The following CACNG3 variants were observed in gnomAD, a reference collection of about 807,000 sequenced individuals.
The protein encoded by CACNG3 is calcium voltage-gated channel auxiliary subunit gamma 3.
In CACNG3, 3 loss-of-function variants were observed where a neutral mutation model predicts 28.5. The observed-to-expected ratio is 0.11, with a 90% CI of 0.05 to 0.27. CACNG3 has a LOEUF of 0.27. Ranked by LOEUF, CACNG3 falls within the 10% of genes least tolerant of loss-of-function variation. CACNG3 has a pLI of 1.00. For missense variants in CACNG3, 236 were observed against 414.4 expected, an observed-to-expected ratio of 0.57 and a Z score of 3.74; for synonymous variants, 174 against 162.2, an observed-to-expected ratio of 1.07 and a Z score of -0.55.
At chr16:24,303,897 G>A (rs989420639) in intron 1 of CACNG3, among the ~76,000 whole-genome samples, 2 of 152,072 alleles carry the variant, frequency 1.3e-5, no homozygotes, top group Non-Finnish European at 2.9e-5. Context: ...GACAGAGCAA[G>A]ACCCCATCTC....
At chr16:24,334,981 G>C (rs1899682482) in intron 1 of CACNG3, among the ~76,000 whole-genome samples, 1 of 152,142 alleles carries the variant, frequency 6.6e-6, no homozygotes, top group South Asian at 2.1e-4. Context: ...GCCCAAAATA[G>C]AGATAATGAT....
chr16:24,286,395 T>C (rs1010332609), intron 1 of CACNG3, among the ~76,000 whole-genome samples: 1 of 147,554 alleles, frequency 6.8e-6, no homozygotes, highest in Non-Finnish European at 1.5e-5. Context: ...ATGTCTTGAT[T>C]ATTAAATGAA....
chr16:24,358,325 T>A (rs1274122623), intron 3 of CACNG3, among the ~76,000 whole-genome samples: 1 of 152,224 alleles, frequency 6.6e-6, no homozygotes, highest in Non-Finnish European at 1.5e-5. Flanking sequence ...TTTGGGCAAG[T>A]CACTTAACCT....
chr16:24,359,232 C>T (rs1272352043), intron 3 of CACNG3, among the ~76,000 whole-genome samples: 1 of 152,004 alleles, frequency 6.6e-6, no homozygotes, highest in South Asian at 2.1e-4. Context: ...AGTCTGACTC[C>T]CATTTAACTT....
At chr16:24,308,679 T>C (rs1179925036) in intron 1 of CACNG3, among the ~76,000 whole-genome samples, 3 of 151,514 alleles carry the variant, frequency 2.0e-5, no homozygotes, top group Non-Finnish European at 4.4e-5. Flanking sequence ...ACTCCATCTC[T>C]ACAAAAGATT....
intron 1 of CACNG3, among the ~76,000 whole-genome samples, chr16:24,332,330 T>C (rs553759136): frequency 2.4e-4 from 36 of 152,072 alleles, no homozygotes; most frequent in Non-Finnish European, 4.9e-4. Flanking sequence ...CCAAGGGCGA[T>C]GACATGCACC....
intron 1 of CACNG3, among the ~76,000 whole-genome samples, chr16:24,297,249 AAAAATAAAAT>A (rs559621094): frequency 1.6e-3 from 203 of 128,150 alleles, no homozygotes; most frequent in South Asian, 2.7e-3. Flanking sequence ...TCCCATCTCT[AAAAATAAAAT>A]AAAATAAAAT....
chr16:24,265,674 G>C (rs917611543), intron 1 of CACNG3, among the ~76,000 whole-genome samples: 1 of 152,082 alleles, frequency 6.6e-6, no homozygotes, highest in Non-Finnish European at 1.5e-5. Context: ...TTTTAAAATG[G>C]TTGAAAAATT....
At chr16:24,322,358 TG>T (rs1334772237) in intron 1 of CACNG3, among the ~76,000 whole-genome samples, 2 of 151,138 alleles carry the variant, frequency 1.3e-5, no homozygotes, top group African/African-American at 2.4e-5. Flanking sequence ...CGGCCACCCT[TG>T]GGGACCTGCC....
intron 1 of CACNG3, among the ~76,000 whole-genome samples, chr16:24,334,367 A>G (rs1228868898): frequency 6.6e-6 from 1 of 152,032 alleles, no homozygotes; most frequent in Non-Finnish European, 1.5e-5. Context: ...GCTGGTGAGG[A>G]GTGCCAGCCC....
At chr16:24,265,041 C>T (rs1288964030) in intron 1 of CACNG3, among the ~76,000 whole-genome samples, 1 of 152,120 alleles carries the variant, frequency 6.6e-6, no homozygotes, top group African/African-American at 2.4e-5. Context: ...AAGTTTGAGA[C>T]CAGCATGGGC....
At chr16:24,296,779 A>G (rs1003347178) in intron 1 of CACNG3, among the ~76,000 whole-genome samples, 1 of 152,190 alleles carries the variant, frequency 6.6e-6, no homozygotes, top group African/African-American at 2.4e-5. Context: ...GTGTGTTACT[A>G]AAGTCCCAAG....
intron 1 of CACNG3, among the ~76,000 whole-genome samples, chr16:24,331,678 GTGA>G: frequency 6.6e-6 from 1 of 152,328 alleles, no homozygotes; most frequent in South Asian, 2.1e-4. Context: ...AAGAAGCTCG[GTGA>G]TGTGTGCCTG....
chr16:24,347,383 G>C (rs918343593), intron 2 of CACNG3, among the ~76,000 whole-genome samples: 1 of 152,072 alleles, frequency 6.6e-6, no homozygotes, highest in Non-Finnish European at 1.5e-5. Flanking sequence ...AAAGAGAAGG[G>C]AGGAAGGAAG....
chr16:24,352,089 C>T (rs1899956383), intron 2 of CACNG3, among the ~76,000 whole-genome samples: 1 of 151,974 alleles, frequency 6.6e-6, no homozygotes, highest in South Asian at 2.1e-4. Context: ...TTCAGGTCTC[C>T]CTCTTCATCC....
At chr16:24,297,524 C>T (rs1412795256) in intron 1 of CACNG3, among the ~76,000 whole-genome samples, 1 of 152,148 alleles carries the variant, frequency 6.6e-6, no homozygotes, top group African/African-American at 2.4e-5. Flanking sequence ...ATCTACCCGC[C>T]CACCCACTCA....
At chr16:24,277,849 T>C (rs949342891) in intron 1 of CACNG3, among the ~76,000 whole-genome samples, 29 of 151,320 alleles carry the variant, frequency 1.9e-4, no homozygotes, top group Non-Finnish European at 3.8e-4. Context: ...AGGATCTAAA[T>C]TGATGTATGT....
chr16:24,307,011 G>A (rs1003409596), intron 1 of CACNG3, among the ~76,000 whole-genome samples: 4 of 152,188 alleles, frequency 2.6e-5, no homozygotes, highest in African/African-American at 9.7e-5. Flanking sequence ...AGCTGCCTCA[G>A]CCAAGGTCAC....
At chr16:24,296,722 T>C (rs936666405) in intron 1 of CACNG3, among the ~76,000 whole-genome samples, 9 of 152,158 alleles carry the variant, frequency 5.9e-5, no homozygotes, top group Admixed American at 6.6e-5. Context: ...AAAACTAGGG[T>C]TCTCAAAACA....
Sources: gnomAD v4.1 joint callset for allele counts (sites outside exome capture counted in the v4.1 genomes callset) on GRCh38, gnomAD v4.1.1 for gene constraint, MANE v1.5 for transcripts, NCBI Gene and HGNC (gene_info 2026-07-23, HGNC 2026-07-21) for gene names.